The following DEFB125 variants were observed in gnomAD, a reference collection of about 807,000 sequenced individuals.
DEFB125 encodes beta-defensin 125.
DEFB125 carries 11 observed loss-of-function variants against 11.8 expected under a neutral mutation model. That is an observed-to-expected ratio of 0.94 (90% CI 0.59 to 1.55). The LOEUF is 1.55. Ranked by LOEUF, DEFB125 falls within the 40% of genes most tolerant of loss-of-function variation. DEFB125 has a pLI of 0.00. For missense variants in DEFB125, 198 were observed against 191.2 expected, an observed-to-expected ratio of 1.04 and a Z score of -0.21; for synonymous variants, 79 against 66.7, an observed-to-expected ratio of 1.18 and a Z score of -0.90.
chr20:88,549 C>T (rs2122973334), intron 1 of DEFB125, among the ~76,000 whole-genome samples: 1 of 152,190 alleles, frequency 6.6e-6, no homozygotes, highest in East Asian at 1.9e-4. Context: ...TTACCAATTT[C>T]TTATATATCC....
At chr20:90,540 C>T (rs2054492520) in intron 1 of DEFB125, among the ~76,000 whole-genome samples, 1 of 152,188 alleles carries the variant, frequency 6.6e-6, no homozygotes, top group Admixed American at 6.5e-5. Context: ...TTCCCTGCCA[C>T]CATCTTGTGA....
chr20:89,272 G>A (rs1196047487), intron 1 of DEFB125, among the ~76,000 whole-genome samples: 1 of 152,118 alleles, frequency 6.6e-6, no homozygotes, highest in Non-Finnish European at 1.5e-5. Flanking sequence ...TTGATGTAAT[G>A]TGAGTTACAG....
chr20:96,063 T>C lies in DEFB125; in HGVS notation c.117T>C (p.Cys39=). 1 of 1,613,748 alleles carries C rather than the reference T, an allele frequency of 6.2e-7. No homozygotes were observed. The highest frequency in any genetic ancestry group is 8.5e-7 in the Non-Finnish European group (1 of 1,179,740). The part of the protein sequence containing the change: ...KNNVGHCRRR[C]LDTERYILLC... ...ATGTAGGACATTGCAGAAGACGATG[T>C]TTAGATACTGAAAGGTACATACTTC... The change falls in exon 2 of 2, where the codon TGT becomes TGC. Residue 39 remains cysteine (C), a synonymous_variant. Transcript: ENST00000382410.
intron 1 of DEFB125, among the ~76,000 whole-genome samples, chr20:89,714 G>T (rs996659897): frequency 3.3e-5 from 5 of 151,742 alleles, no homozygotes; most frequent in African/African-American, 7.3e-5. Flanking sequence ...TTGAATACTT[G>T]CCAAGTCCTA....
intron 1 of DEFB125, among the ~76,000 whole-genome samples, chr20:88,952 A>C (rs555551402): frequency 2.2e-4 from 33 of 152,062 alleles, no homozygotes; most frequent in Non-Finnish European, 4.4e-4. Flanking sequence ...CAGTTGCAAG[A>C]GTGTCAGCTT....
At chr20:90,436 C>T (rs572917054) in intron 1 of DEFB125, among the ~76,000 whole-genome samples, 1 of 152,290 alleles carries the variant, frequency 6.6e-6, no homozygotes, top group East Asian at 1.9e-4. Context: ...CAATTATTCT[C>T]GCCACCTCCA....
At chr20:89,913 C>T (rs2054490212) in intron 1 of DEFB125, among the ~76,000 whole-genome samples, 2 of 151,902 alleles carry the variant, frequency 1.3e-5, no homozygotes, top group South Asian at 4.2e-4. Context: ...TTTGTGTTCT[C>T]TTATAGGTTT....
At chr20:91,000 T>C (rs2122975561) in intron 1 of DEFB125, among the ~76,000 whole-genome samples, 1 of 152,338 alleles carries the variant, frequency 6.6e-6, no homozygotes, top group East Asian at 1.9e-4. Flanking sequence ...TACAAAATAA[T>C]GTACTTTTTT....
chr20:88,865 G>GAGACAC (rs2054486227), intron 1 of DEFB125, among the ~76,000 whole-genome samples: 2 of 148,428 alleles, frequency 1.3e-5, no homozygotes. Flanking sequence ...TGGACACGTG[G>GAGACAC]ACACACACAC....
intron 1 of DEFB125, among the ~76,000 whole-genome samples, chr20:90,854 C>G (rs1568456528): frequency 6.6e-6 from 1 of 152,172 alleles, no homozygotes; most frequent in African/African-American, 2.4e-5. Context: ...ACTGGTGTGA[C>G]TAATTCCTTT....
At chr20:89,192 G>C (rs1299582246) in intron 1 of DEFB125, among the ~76,000 whole-genome samples, 1 of 152,088 alleles carries the variant, frequency 6.6e-6, no homozygotes, top group Non-Finnish European at 1.5e-5. Flanking sequence ...ATGTTGCCTA[G>C]AAAGATGCTA....
chr20:96,432 T>C lies in DEFB125; in HGVS notation c.*15T>C. On this transcript the variant is annotated 3_prime_UTR_variant, in exon 2 of 2. Coordinates refer to ENST00000382410, the MANE Select transcript of DEFB125 (RefSeq NM_153325.4). ...CTCATAATTAATTAACATTTACTTC[T>C]GGTATGGAACAACTAGAAATACTGC... 1 of 1,598,068 alleles carries C rather than the reference T, an allele frequency of 6.3e-7. No homozygotes were observed. Among genetic ancestry groups the C allele is most frequent in the Non-Finnish European group, 8.5e-7 (1 of 1,172,614 alleles).
In DEFB125 at chr20:96,724, T is replaced by C. The variant is rs942865833; in HGVS notation, c.*307T>C. ...TCTTAAGTGAACATTTGTATATCTA[T>C]GTATTTTTCCATGCCAAAAACAAAA... On this transcript the variant is annotated 3_prime_UTR_variant, in exon 2 of 2. Transcript: ENST00000382410. The C allele has an allele frequency of 4.6e-5, 13 of 284,398 alleles. No homozygotes were observed. Among genetic ancestry groups the C allele is most frequent in the South Asian group, 8.4e-5 (1 of 11,838 alleles). 17.6% of individuals were successfully genotyped at this position (284,398 alleles called of 1,614,324 possible).
intron 1 of DEFB125, among the ~76,000 whole-genome samples, chr20:88,865 G>GACACAC (rs200122767): frequency 0.3 from 44,916 of 148,340 alleles, 7,149 homozygotes; most frequent in East Asian, 0.39. Context: ...TGGACACGTG[G>GACACAC]ACACACACAC....
At chr20:90,654 A>ATAC (rs1325389407) in intron 1 of DEFB125, among the ~76,000 whole-genome samples, 4 of 152,212 alleles carry the variant, frequency 2.6e-5, no homozygotes. Context: ...ACAAGAGTCC[A>ATAC]TACAGTGGCT....
At chr20:94,194 ACAATGTGTAATGAT>A (rs1156235598) in intron 1 of DEFB125, among the ~76,000 whole-genome samples, 1 of 152,136 alleles carries the variant, frequency 6.6e-6, no homozygotes, top group Non-Finnish European at 1.5e-5. Context: ...ATACATGTAT[ACAATGTGTAATGAT>A]CAAATCAGGG....
chr20:90,620 GCC>G (rs945230117), intron 1 of DEFB125, among the ~76,000 whole-genome samples: 1 of 152,048 alleles, frequency 6.6e-6, no homozygotes, highest in Non-Finnish European at 1.5e-5. Context: ...CTCTGCTATG[GCC>G]CCCTCTATAC....
rs920088231 is a variant in DEFB125 at position 97,086 on chromosome 20, C to T, written c.*669C>T. The T allele has an allele frequency of 6.6e-6, 1 of 152,186 alleles. No homozygotes were observed. The highest frequency in any genetic ancestry group is 1.5e-5 in the Non-Finnish European group (1 of 68,050). The allele number at this position is 152,186 out of a possible 1,614,324, so 9.4% of individuals were successfully genotyped here. On this transcript the variant is annotated 3_prime_UTR_variant, in exon 2 of 2. Coordinates refer to ENST00000382410, the MANE Select transcript of DEFB125 (RefSeq NM_153325.4). ...TCATATTAAATTAAAAGCTGCATCT[C>T]AAATTCTACTTATCTTTCCAATCTT...
chr20:90,430 T>G (rs1445196664), intron 1 of DEFB125, among the ~76,000 whole-genome samples: 1 of 152,212 alleles, frequency 6.6e-6, no homozygotes, highest in Non-Finnish European at 1.5e-5. Flanking sequence ...AGAATGCAAT[T>G]ATTCTCGCCA....
Sources: gnomAD v4.1 joint callset for allele counts (sites outside exome capture counted in the v4.1 genomes callset) on GRCh38, gnomAD v4.1.1 for gene constraint, MANE v1.5 for transcripts, NCBI Gene and HGNC (gene_info 2026-07-23, HGNC 2026-07-21) for gene names.